The following SLC16A7 variants were observed in gnomAD, a reference collection of about 807,000 sequenced individuals.
SLC16A7 encodes the protein solute carrier family 16 member 7, also known as monocarboxylate transporter 2.
In SLC16A7, 33 loss-of-function variants were observed where a neutral mutation model predicts 34.9. The ratio of observed to expected loss-of-function variants is 0.94; its 90% CI spans 0.72 to 1.26. The LOEUF (loss-of-function observed/expected upper bound fraction) is 1.26, where lower values mean the gene tolerates loss of function less well. SLC16A7 is among the 50% of genes most tolerant of loss of function. The pLI is 0.00. For synonymous variants in SLC16A7, 201 were observed against 206.6 expected (o/e 0.97, Z 0.23); for missense variants, 573 against 578.1 (o/e 0.99, Z 0.09).
At chr12:59,763,439 A>G (rs931676727) in intron 3 of SLC16A7, among the ~76,000 whole-genome samples, 4 of 152,192 alleles carry the variant, frequency 2.6e-5, no homozygotes, top group Admixed American at 6.6e-5. Flanking sequence ...ATCTTCCCTC[A>G]ATATTGTGAA....
At chr12:59,771,153 A>G (rs1882180972) in intron 3 of SLC16A7, 66 bp from the exon 4 acceptor site, 2 of 1,475,062 alleles carry the variant, frequency 1.4e-6, no homozygotes, top group East Asian at 2.4e-5. Flanking sequence ...AAATGATTGG[A>G]TGTTAAAGAT....
intron 3 of SLC16A7, among the ~76,000 whole-genome samples, chr12:59,717,460 G>GT (rs1472063993): frequency 2.6e-5 from 4 of 152,216 alleles, no homozygotes; most frequent in African/African-American, 9.7e-5. Context: ...AAAATGAACT[G>GT]TAAGTCCTTC....
chr12:59,712,787 A>T (rs928321755), intron 3 of SLC16A7, among the ~76,000 whole-genome samples: 3 of 152,096 alleles, frequency 2.0e-5, no homozygotes, highest in Non-Finnish European at 4.4e-5. Context: ...CAGTTTTGTC[A>T]TGTGATTTGG....
chr12:59,673,013 C>G (rs1165025254), intron 2 of SLC16A7, among the ~76,000 whole-genome samples: 2 of 152,028 alleles, frequency 1.3e-5, no homozygotes, highest in Non-Finnish European at 2.9e-5. Flanking sequence ...TTTAACAAAG[C>G]CATAGAATTC....
chr12:59,764,507 G>A lies in SLC16A7; in HGVS notation c.218-6712G>A, dbSNP rs1400967612. On this transcript the variant is annotated intron_variant, in intron 3 of 5. Transcript: ENST00000547379. Reference sequence around the variant, plus strand: ...CTCCCCCTCCACCACAACAGTCCCCGGTGTGTGATGTTCCCCTTCCTGTGT... The same window carrying A: ...CTCCCCCTCCACCACAACAGTCCCCAGTGTGTGATGTTCCCCTTCCTGTGT... Among the ~76,000 whole-genome samples, 59 of 103,766 alleles carry A rather than the reference G, an allele frequency of 5.7e-4. 1 individual carries two copies. The highest frequency in any genetic ancestry group is 2.1e-3 in the African/African-American group (53 of 25,460). The allele number at this position is 103,766 out of a possible 152,430, so 68.1% of individuals were successfully genotyped here.
rs146751253 is a variant in SLC16A7, at chr12:59,785,045, C to G, written c.*5366C>G. ...ATTACAAACTTGACTTTACTCATCT[C>G]TCTTTAAGATTTTGATTTCTGCACA... On this transcript the variant is annotated 3_prime_UTR_variant, in exon 6 of 6. Transcript: ENST00000547379. 25 of 152,252 alleles carry G rather than the reference C, an allele frequency of 1.6e-4. No individual in the cohort carries two copies. Among genetic ancestry groups the G allele is most frequent in the African/African-American group, 4.3e-4 (18 of 41,578 alleles). 9.4% of individuals were successfully genotyped at this position (152,252 alleles called of 1,614,324 possible).
At chr12:59,671,754 T>C (rs947186716) in intron 2 of SLC16A7, among the ~76,000 whole-genome samples, 1 of 145,506 alleles carries the variant, frequency 6.9e-6, no homozygotes, top group African/African-American at 2.5e-5. Context: ...GTATATATAA[T>C]GTGTATATGT....
chr12:59,645,784 A>C (rs1880881971), intron 1 of SLC16A7, among the ~76,000 whole-genome samples: 2 of 152,138 alleles, frequency 1.3e-5, no homozygotes, highest in African/African-American at 2.4e-5. Context: ...AATGTGGGGA[A>C]GTTTGGAACT....
chr12:59,644,314 C>T (rs1177078816), intron 1 of SLC16A7, among the ~76,000 whole-genome samples: 1 of 152,100 alleles, frequency 6.6e-6, no homozygotes, highest in African/African-American at 2.4e-5. Context: ...TGACTGTAAT[C>T]CCAGCAGTTT....
rs550013751 is a variant in SLC16A7 at position 59,671,654 on chromosome 12, C to A, written c.-31+16404C>A. On this transcript the variant is annotated intron_variant, in intron 2 of 5. Transcript: ENST00000547379. The stretch of plus-strand genomic sequence containing the variant: ...TGCCTGTGTCCCTTTGACTACAGTG[C>A]TCTTTCTCTCTCTCTCTCTCTCTCT... Among the ~76,000 whole-genome samples, 22 of 145,484 alleles carry A rather than the reference C, an allele frequency of 1.5e-4. No homozygotes were observed. The East Asian group carries it at 2.1e-3, about 14-fold the overall frequency.
chr12:59,744,878 G>A (rs955723698), intron 3 of SLC16A7, among the ~76,000 whole-genome samples: 1 of 152,134 alleles, frequency 6.6e-6, no homozygotes, highest in Non-Finnish European at 1.5e-5. Flanking sequence ...GGGGTGAAAT[G>A]TAATGGGTCC....
At chr12:59,648,936 G>C (rs1456429019) in intron 1 of SLC16A7, among the ~76,000 whole-genome samples, 1 of 152,144 alleles carries the variant, frequency 6.6e-6, no homozygotes, top group African/African-American at 2.4e-5. Context: ...TTTGGAATCA[G>C]GAGAAATGGA....
chr12:59,770,065 C>T (rs1229485854), intron 3 of SLC16A7, among the ~76,000 whole-genome samples: 4 of 152,006 alleles, frequency 2.6e-5, no homozygotes, highest in African/African-American at 4.8e-5. Flanking sequence ...ATAATGCTGT[C>T]ACTGAAGTAA....
chr12:59,772,300 C>A (rs1882309990), intron 4 of SLC16A7, among the ~76,000 whole-genome samples: 1 of 152,074 alleles, frequency 6.6e-6, no homozygotes, highest in Admixed American at 6.6e-5. Flanking sequence ...TAACAAAATG[C>A]ATTTAATATT....
chr12:59,677,095 G>T (rs151096335), intron 2 of SLC16A7, among the ~76,000 whole-genome samples: 1 of 152,012 alleles, frequency 6.6e-6, no homozygotes, highest in African/African-American at 2.4e-5. Context: ...AATATTTAAT[G>T]AATCATGAAT....
chr12:59,637,508 GA>G, intron 1 of SLC16A7, among the ~76,000 whole-genome samples: 1 of 151,400 alleles, frequency 6.6e-6, no homozygotes, highest in East Asian at 2.0e-4. Flanking sequence ...AGAAAGGTGT[GA>G]GACCTTTTCT....
intron 1 of SLC16A7, among the ~76,000 whole-genome samples, chr12:59,610,673 T>G (rs1879152203): frequency 6.6e-6 from 1 of 152,230 alleles, no homozygotes; most frequent in Admixed American, 6.5e-5. Flanking sequence ...TCCCTCATTA[T>G]AGACAGTTTA....
chr12:59,655,905 A>C (rs1173475297), intron 2 of SLC16A7, among the ~76,000 whole-genome samples: 2 of 152,018 alleles, frequency 1.3e-5, no homozygotes, highest in African/African-American at 4.8e-5. Flanking sequence ...GAGATAATTT[A>C]AAATCCAATG....
rs1883224901 is a variant in SLC16A7, at chr12:59,781,257, AT to A, written c.*1581del. The stretch of plus-strand genomic sequence containing the variant: ...TTATGACTAAAGTTATAAATACAAT[AT>A]TTATATCTATAAATCTGAAGTTTAA... On this transcript the variant is annotated 3_prime_UTR_variant, in exon 6 of 6. Transcript: ENST00000547379. 6.6e-6 allele frequency: 1 copy of A among 151,980 alleles called. No homozygotes were observed. Among genetic ancestry groups the A allele is most frequent in the Non-Finnish European group, 1.5e-5 (1 of 68,006 alleles). 9.4% of individuals were successfully genotyped at this position (151,980 alleles called of 1,614,324 possible). A position where few individuals can be genotyped will look rare whatever the true frequency, so the allele number is the denominator to read the frequency against.
Sources: gnomAD v4.1 joint callset for allele counts (sites outside exome capture counted in the v4.1 genomes callset) on GRCh38, gnomAD v4.1.1 for gene constraint, MANE v1.5 for transcripts, NCBI Gene and HGNC (gene_info 2026-07-23, HGNC 2026-07-21) for gene names.